Variants in PNMA3 observed in about 807,000 individuals in gnomAD.
The protein encoded by PNMA3 is PNMA family member 3.
Under a neutral mutation model 25.1 loss-of-function variants are expected in PNMA3, and 10 were observed. The ratio of observed to expected loss-of-function variants is 0.40; its 90% confidence interval spans 0.25 to 0.68. PNMA3 has a LOEUF of 0.68. Ranked by LOEUF, PNMA3 falls within the 30% of genes least tolerant of loss-of-function variation. The pLI is 0.40. For synonymous variants in PNMA3, 134 were observed against 148.7 expected (o/e 0.90, Z 0.72); for missense variants, 317 against 372.1 (o/e 0.85, Z 1.22).
At position 153,058,689 on chromosome X, in the gene PNMA3, A is replaced by C; in HGVS notation, c.*242A>C. ...CCAGGTCCCCGAAGAGGTGCTGGAG[A>C]GGAAAGCAGGGAGCCACTGCATCCA... On this transcript the variant is annotated 3_prime_UTR_variant, in exon 2 of 2. Coordinates refer to ENST00000593810, the MANE Select transcript of PNMA3 (RefSeq NM_013364.6). The C allele has an allele frequency of 1.0e-6, 1 of 979,918 alleles. No homozygotes were observed. 80.8% of individuals were successfully genotyped at this position (979,918 alleles called of 1,213,427 possible).
Position 153,056,593 on chromosome X carries a change from A to G in PNMA3, c.-152A>G. ...CCGCCGCCGCGCATAGCCCCCGGAG[A>G]GCCCTCTGGGGACCCCGACCAGAAG... On this transcript the variant is annotated 5_prime_UTR_variant, in exon 1 of 2. Coordinates refer to ENST00000593810, the MANE Select transcript of PNMA3 (RefSeq NM_013364.6). 8.1e-6 allele frequency: 1 copy of G among 123,343 alleles called. No homozygotes were observed. Among genetic ancestry groups the G allele is most frequent in the Non-Finnish European group, 1.6e-5 (1 of 60,753 alleles). The allele number at this position is 123,343 out of a possible 1,213,427, so 10.2% of individuals were successfully genotyped here. A position where few individuals can be genotyped will look rare whatever the true frequency, so the allele number is the denominator to read the frequency against.
chrX:153,059,994 C>T lies in PNMA3; in HGVS notation c.*1547C>T, dbSNP rs1279830454. ...GTGACTGTGGGAGGAAGAACTGGAC[C>T]CAGGACGGAGCGGGGCTGCCCTGCC... On this transcript the variant is annotated 3_prime_UTR_variant, in exon 2 of 2. Transcript: ENST00000593810. The T allele has an allele frequency of 8.0e-6, 1 of 124,644 alleles. No individual in the cohort carries two copies. Among genetic ancestry groups the T allele is most frequent in the Non-Finnish European group, 1.9e-5 (1 of 53,534 alleles). 10.3% of individuals were successfully genotyped at this position (124,644 alleles called of 1,213,427 possible).
Sources: allele counts gnomAD v4.1 joint callset, GRCh38; gene constraint gnomAD v4.1.1; transcripts MANE v1.5; gene names NCBI Gene and HGNC (gene_info 2026-07-23, HGNC 2026-07-21).